CRB1: variants seen among roughly 807,000 people sequenced by gnomAD.
CRB1 encodes the protein protein crumbs homolog 1.
A neutral mutation model predicts 120.0 loss-of-function variants in CRB1; 83 were observed. The ratio of observed to expected loss-of-function variants is 0.69; its 90% CI spans 0.58 to 0.83. CRB1 has a LOEUF of 0.83. Ranked by LOEUF, CRB1 falls within the 40% of genes least tolerant of loss-of-function variation. The probability of loss-of-function intolerance (pLI) is 0.00; values close to 1 mark genes in which losing one functional copy is unlikely to be tolerated. For synonymous variants in CRB1, 625 were observed against 612.5 expected, an observed-to-expected ratio of 1.02 and a Z score of -0.30; for missense variants, 1,699 against 1,687.6, an observed-to-expected ratio of 1.01 and a Z score of -0.12.
intron 1 of CRB1, among the ~76,000 whole-genome samples, chr1:197,320,111 A>G (rs916976366): frequency 2.6e-5 from 4 of 152,248 alleles, no homozygotes; most frequent in Admixed American, 2.6e-4. Context: ...TAGCATCCCT[A>G]CTTTATTTCT....
At position 197,427,723 on chromosome 1, in the gene CRB1, A is replaced by G. The variant is rs74846670; in HGVS notation, c.2398A>G (p.Ile800Val). 8.4e-5 allele frequency: 136 copies of G among 1,613,992 alleles called. 1 individual carries two copies. The African/African-American group carries it at 1.6e-3, about 19-fold the overall frequency. ...AAATGTCCACTTGATATCTTTGAAA[A>G]TCAAGCCATATAAAATTGAACTGTA... Reference protein sequence around the residue: ...DGNVHLISLKIKPYKIELYQS... With the variant: ...DGNVHLISLKVKPYKIELYQS... Residue 800 changes from isoleucine to valine, a missense_variant, in exon 7 of 12, where the codon ATC becomes GTC. Physicochemically the swap from Ile to Val is conservative, Grantham distance 29. Coordinates refer to ENST00000367400, the MANE Select transcript of CRB1 (RefSeq NM_201253.3).
intron 2 of CRB1, among the ~76,000 whole-genome samples, chr1:197,342,510 T>G (rs1451674454): frequency 6.6e-6 from 1 of 152,244 alleles, no homozygotes; most frequent in Non-Finnish European, 1.5e-5. Flanking sequence ...TATTACCTAA[T>G]TTTAGCTATA....
At chr1:197,325,221 T>C (rs1658425893) in intron 1 of CRB1, among the ~76,000 whole-genome samples, 1 of 152,154 alleles carries the variant, frequency 6.6e-6, no homozygotes, top group South Asian at 2.1e-4. Flanking sequence ...ACCCCAATCC[T>C]GGAACTAAAT....
At chr1:197,319,216 G>A (rs1157745844) in intron 1 of CRB1, among the ~76,000 whole-genome samples, 2 of 136,754 alleles carry the variant, frequency 1.5e-5, no homozygotes, top group African/African-American at 5.5e-5. Flanking sequence ...GAGGTCAGGA[G>A]TTTGAGACCA....
chr1:197,308,994 G>C (rs996575958), intron 1 of CRB1, among the ~76,000 whole-genome samples: 8 of 150,132 alleles, frequency 5.3e-5, no homozygotes, highest in African/African-American at 2.0e-4. Context: ...ATATATGCAG[G>C]TATATATAAA....
At chr1:197,433,267 G>A (rs1044398075) in intron 8 of CRB1, among the ~76,000 whole-genome samples, 30 of 152,086 alleles carry the variant, frequency 2.0e-4, no homozygotes, top group African/African-American at 7.2e-4. Flanking sequence ...TGACTAAGGA[G>A]TGGTTGTTAT....
At chr1:197,465,337 C>T (rs940563071) in intron 11 of CRB1, among the ~76,000 whole-genome samples, 22 of 152,038 alleles carry the variant, frequency 1.4e-4, no homozygotes, top group Non-Finnish European at 2.4e-4. Context: ...TGTGCTTTTG[C>T]GTATTTAGGT....
chr1:197,293,057 G>A (rs928005095), intron 1 of CRB1, among the ~76,000 whole-genome samples: 10 of 152,088 alleles, frequency 6.6e-5, no homozygotes, highest in Admixed American at 1.3e-4. Context: ...GGAAGTTCTG[G>A]CTAGGGCAAT....
At chr1:197,311,698 A>T (rs1444837050) in intron 1 of CRB1, among the ~76,000 whole-genome samples, 4 of 138,910 alleles carry the variant, frequency 2.9e-5, no homozygotes, top group African/African-American at 5.3e-5. Flanking sequence ...TCATATAGTT[A>T]GTGTGTGTGT....
At chr1:197,302,089 A>G (rs1558039705) in intron 1 of CRB1, among the ~76,000 whole-genome samples, 1 of 152,226 alleles carries the variant, frequency 6.6e-6, no homozygotes, top group Admixed American at 6.5e-5. Flanking sequence ...GAAATCTTTC[A>G]TGAAAGGAAG....
intron 5 of CRB1, among the ~76,000 whole-genome samples, chr1:197,419,575 C>G (rs1664180502): frequency 6.6e-6 from 1 of 152,008 alleles, no homozygotes; most frequent in African/African-American, 2.4e-5. Flanking sequence ...GTTGGCCAGG[C>G]TGATCTGAAA....
At chr1:197,332,935 G>A (rs983794052) in intron 2 of CRB1, among the ~76,000 whole-genome samples, 1 of 152,150 alleles carries the variant, frequency 6.6e-6, no homozygotes, top group Non-Finnish European at 1.5e-5. Flanking sequence ...AGCCAAAGTT[G>A]AGAAGGAAAG....
Position 197,322,240 on chromosome 1 carries a change from G to T in CRB1, c.71-6182G>T, listed in dbSNP as rs542452416. On this transcript the variant is annotated intron_variant, in intron 1 of 11. Transcript: ENST00000367400. ...TCATGCCTGTAATCCCAGCACATTG[G>T]GGGGCCGAGGTAGACAGATCACTTG... is the stretch of plus-strand genomic sequence containing the variant. Among the ~76,000 whole-genome samples, 583 of 152,124 alleles carry T rather than the reference G, an allele frequency of 3.8e-3. 7 individuals carry two copies. The highest frequency in any genetic ancestry group is 0.016 in the South Asian group (79 of 4,826).
chr1:197,386,061 C>T (rs1662201463), intron 5 of CRB1, among the ~76,000 whole-genome samples: 1 of 151,838 alleles, frequency 6.6e-6, no homozygotes, highest in African/African-American at 2.4e-5. Context: ...GGGCTAAAAC[C>T]GACATGCGGA....
chr1:197,349,983 C>T (rs1362807601), intron 4 of CRB1, among the ~76,000 whole-genome samples: 1 of 151,610 alleles, frequency 6.6e-6, no homozygotes, highest in Non-Finnish European at 1.5e-5. Context: ...GCCTGTAGTC[C>T]CAGCTACTCG....
At chr1:197,201,905 G>A in the CRB1 span, among the ~76,000 whole-genome samples, 4 of 152,092 alleles carry the variant, frequency 2.6e-5, no homozygotes, top group African/African-American at 9.7e-5. Context: ...TTATATAAGC[G>A]TAAAGCTGGT....
intron 1 of CRB1, among the ~76,000 whole-genome samples, chr1:197,310,442 C>CT (rs1657448906): frequency 6.6e-6 from 1 of 152,170 alleles, no homozygotes; most frequent in Non-Finnish European, 1.5e-5. Flanking sequence ...TGTCAGATCC[C>CT]TGCATCTGCA....
chr1:197,346,613 G>A (rs1011443622), intron 3 of CRB1, among the ~76,000 whole-genome samples: 2 of 152,162 alleles, frequency 1.3e-5, no homozygotes, highest in African/African-American at 4.8e-5. Context: ...TTTTGCCTAA[G>A]CTGAGTGTGC....
chr1:197,413,005 C>T (rs1226078800), intron 5 of CRB1, among the ~76,000 whole-genome samples: 2 of 152,080 alleles, frequency 1.3e-5, no homozygotes, highest in Non-Finnish European at 2.9e-5. Flanking sequence ...CTGCCCCTCT[C>T]AGGTAACATT....
Sources: gnomAD v4.1 joint callset for allele counts (sites outside exome capture counted in the v4.1 genomes callset) on GRCh38, gnomAD v4.1.1 for gene constraint, MANE v1.5 for transcripts, NCBI Gene and HGNC (gene_info 2026-07-23, HGNC 2026-07-21) for gene names.